PCDH15: variants seen among roughly 807,000 people sequenced by gnomAD.
PCDH15 encodes protocadherin-15.
A neutral mutation model predicts 178.5 loss-of-function variants in PCDH15; 129 were observed. The observed-to-expected ratio is 0.72, with a 90% CI of 0.63 to 0.84. The LOEUF (loss-of-function observed/expected upper bound fraction) is 0.84, where lower values mean the gene tolerates loss of function less well. PCDH15 is among the 40% of genes least tolerant of loss of function. The probability of loss-of-function intolerance (pLI) is 0.00; values close to 1 mark genes in which losing one functional copy is unlikely to be tolerated. For missense variants in PCDH15, 2,230 were observed against 2,099.9 expected, an observed-to-expected ratio of 1.06 and a Z score of -1.21; for synonymous variants, 800 against 732.0, an observed-to-expected ratio of 1.09 and a Z score of -1.50.
chr10:55,225,349 A>T (rs1841000299), intron 1 of PCDH15, among the ~76,000 whole-genome samples: 1 of 152,078 alleles, frequency 6.6e-6, no homozygotes, highest in Non-Finnish European at 1.5e-5. Context: ...ACATGCTCCC[A>T]ACCCTCTATT....
At chr10:55,522,375 T>C in intron 2 of PCDH15, among the ~76,000 whole-genome samples, 1 of 151,816 alleles carries the variant, frequency 6.6e-6, no homozygotes, top group Non-Finnish European at 1.5e-5. Flanking sequence ...CCCTATTGAT[T>C]TTCTGTCTGG....
At chr10:54,849,473 G>A (rs1953574605) in intron 3 of PCDH15, among the ~76,000 whole-genome samples, 1 of 152,098 alleles carries the variant, frequency 6.6e-6, no homozygotes, top group Admixed American at 6.6e-5. Flanking sequence ...TGCACCTACT[G>A]CTAAGTCGGC....
chr10:55,032,375 G>A (rs1208547200), intron 2 of PCDH15, among the ~76,000 whole-genome samples: 4 of 152,130 alleles, frequency 2.6e-5, no homozygotes, highest in African/African-American at 7.2e-5. Context: ...GGAGATACCA[G>A]GGATTTGTTA....
chr10:54,311,761 A>C (rs906007107), intron 8 of PCDH15, among the ~76,000 whole-genome samples: 15 of 152,054 alleles, frequency 9.9e-5, no homozygotes, highest in African/African-American at 3.6e-4. Context: ...TAATTTGCCA[A>C]AGAGAGTTGT....
chr10:55,025,712 A>G (rs1414044628), intron 2 of PCDH15, among the ~76,000 whole-genome samples: 1 of 152,032 alleles, frequency 6.6e-6, no homozygotes, highest in Non-Finnish European at 1.5e-5. Flanking sequence ...TAACTTATTT[A>G]TACTTGTATA....
At chr10:53,905,207 G>C (rs751247448) in intron 25 of PCDH15, 1 of 518,816 alleles carries the variant, frequency 1.9e-6, no homozygotes, top group Non-Finnish European at 3.8e-6. Context: ...GTGACTAAAC[G>C]TCATCTGCTC....
chr10:55,510,210 G>A (rs1015391525), intron 2 of PCDH15, among the ~76,000 whole-genome samples: 2 of 151,866 alleles, frequency 1.3e-5, no homozygotes, highest in African/African-American at 4.8e-5. Context: ...TTTAATAACT[G>A]CAATATGTTT....
chr10:55,103,483 C>T (rs187349516), intron 2 of PCDH15, among the ~76,000 whole-genome samples: 1 of 152,102 alleles, frequency 6.6e-6, no homozygotes, highest in Non-Finnish European at 1.5e-5. Flanking sequence ...TCCACAATCT[C>T]TTTCATGATT....
chr10:54,410,923 AG>A (rs1953397324), intron 3 of PCDH15, among the ~76,000 whole-genome samples: 1 of 152,110 alleles, frequency 6.6e-6, no homozygotes, highest in African/African-American at 2.4e-5. Flanking sequence ...GCTGCTCAAT[AG>A]CTGACTCTGC....
At chr10:54,913,807 A>G (rs753737104) in intron 2 of PCDH15, among the ~76,000 whole-genome samples, 7 of 152,120 alleles carry the variant, frequency 4.6e-5, no homozygotes, top group Non-Finnish European at 1.0e-4. Flanking sequence ...AAAAAATATT[A>G]TTTTGGAGCT....
intron 26 of PCDH15, among the ~76,000 whole-genome samples, chr10:53,876,815 A>G (rs2080282256): frequency 6.6e-6 from 1 of 152,182 alleles, no homozygotes; most frequent in South Asian, 2.1e-4. Flanking sequence ...GAGAGATTCT[A>G]AAGAGTAAAA....
intron 15 of PCDH15, among the ~76,000 whole-genome samples, chr10:54,114,207 G>T (rs916281784): frequency 1.3e-5 from 2 of 151,936 alleles, no homozygotes; most frequent in South Asian, 2.1e-4. Context: ...CATCACTTGG[G>T]TTTCTTTTTA....
intron 2 of PCDH15, among the ~76,000 whole-genome samples, chr10:55,128,556 A>G (rs1837962014): frequency 6.6e-6 from 1 of 151,970 alleles, no homozygotes; most frequent in African/African-American, 2.4e-5. Flanking sequence ...TTTTGCTCAC[A>G]CATATTTCTA....
At chr10:55,190,873 A>G (rs1400567513) in intron 1 of PCDH15, among the ~76,000 whole-genome samples, 1 of 151,698 alleles carries the variant, frequency 6.6e-6, no homozygotes, top group African/African-American at 2.4e-5. Flanking sequence ...AAAAGAGTTG[A>G]TCCACTTTTA....
Position 55,437,211 on chromosome 10 carries a change from T to A in PCDH15, c.-156+190414A>T, listed in dbSNP as rs1338999611. Among the ~76,000 whole-genome samples the A allele has an allele frequency of 3.5e-5, 3 of 84,996 alleles. No homozygotes were observed. In the South Asian group the frequency reaches 1.2e-3, roughly 34 times the overall value. The allele number at this position is 84,996 out of a possible 152,430, so 55.8% of individuals were successfully genotyped here. ...ACAGAGGAAGCAGGAGACAAAAGGATCTCAATTTAATTGGAGAAATAAATA... is the reference window on the plus strand; with the variant it reads ...ACAGAGGAAGCAGGAGACAAAAGGAACTCAATTTAATTGGAGAAATAAATA... On this transcript the variant is annotated intron_variant, in intron 2 of 5. Coordinates refer to the PCDH15 transcript ENST00000613346.
At chr10:55,317,052 C>G (rs2589421) in intron 1 of PCDH15, among the ~76,000 whole-genome samples, 112,788 of 151,982 alleles carry the variant, frequency 0.74, 42,627 homozygotes, top group African/African-American at 0.83. Flanking sequence ...TCAACTGGCA[C>G]TACTATTCAT....
At chr10:54,721,282 G>T (rs1395949702) in intron 1 of PCDH15, among the ~76,000 whole-genome samples, 1 of 151,706 alleles carries the variant, frequency 6.6e-6, no homozygotes, top group Non-Finnish European at 1.5e-5. Context: ...ACATCAAAAA[G>T]AATGATCTCA....
chr10:54,965,869 G>A (rs965313612), intron 2 of PCDH15, among the ~76,000 whole-genome samples: 3 of 150,556 alleles, frequency 2.0e-5, no homozygotes, highest in Non-Finnish European at 3.0e-5. Flanking sequence ...ATATCACATA[G>A]ATACCCACAC....
chr10:54,598,162 G>A (rs1460389473), intron 2 of PCDH15, among the ~76,000 whole-genome samples: 1 of 151,938 alleles, frequency 6.6e-6, no homozygotes, highest in Non-Finnish European at 1.5e-5. Context: ...AACAAAACCT[G>A]GCAGAGACAC....
Sources: allele counts gnomAD v4.1 joint callset (sites outside exome capture counted in the v4.1 genomes callset), GRCh38; gene constraint gnomAD v4.1.1; transcripts MANE v1.5; gene names NCBI Gene and HGNC (gene_info 2026-07-23, HGNC 2026-07-21).